The following INTS9 variants were observed in gnomAD, a reference collection of about 807,000 sequenced individuals.
INTS9 encodes integrator complex subunit 9.
INTS9 carries 55 observed loss-of-function variants against 79.7 expected under a neutral mutation model. The observed-to-expected ratio is 0.69, with a 90% CI of 0.56 to 0.86. INTS9 has a LOEUF of 0.86. Ranked by LOEUF, INTS9 falls within the 40% of genes least tolerant of loss-of-function variation. The pLI, the probability that INTS9 is intolerant of heterozygous loss-of-function variation, is 0.00. For synonymous variants in INTS9, 319 were observed against 325.2 expected (o/e 0.98, Z 0.20); for missense variants, 721 against 831.5 (o/e 0.87, Z 1.64).
At chr8:28,855,026 T>C (rs1241182789) in intron 2 of INTS9, among the ~76,000 whole-genome samples, 2 of 152,182 alleles carry the variant, frequency 1.3e-5, no homozygotes, top group Non-Finnish European at 2.9e-5. Context: ...CCTTCAGTCC[T>C]TCTCACCATG....
intron 3 of INTS9, chr8:28,849,988 T>TAC: frequency 2.5e-6 from 1 of 395,440 alleles, no homozygotes; most frequent in East Asian, 3.7e-5. Context: ...CTTAGATTTC[T>TAC]ACACATGAGC....
chr8:28,804,206 A>T (rs1012171866), intron 8 of INTS9, among the ~76,000 whole-genome samples: 2 of 152,208 alleles, frequency 1.3e-5, no homozygotes, highest in Admixed American at 1.3e-4. Flanking sequence ...GATTACAGGC[A>T]TGAGCCAATA....
chr8:28,832,674 A>G lies in INTS9; in HGVS notation c.488+2618T>C, dbSNP rs549427496. 2.6e-5 allele frequency among the ~76,000 whole-genome samples: 4 copies of G among 152,268 alleles called. No homozygotes were observed. The South Asian group carries it at 6.2e-4, about 24-fold the overall frequency. The stretch of plus-strand genomic sequence containing the variant: ...CAGTTTTCTCTCCTGTAAAAAAGTA[A>G]TAACACTGCCTGGGTGTGGTGGCTC... On this transcript the variant is annotated intron_variant, in intron 6 of 16. Coordinates refer to ENST00000521022, the MANE Select transcript of INTS9 (RefSeq NM_018250.4).
intron 1 of INTS9, among the ~76,000 whole-genome samples, chr8:28,863,956 T>A (rs1421358056): frequency 1.3e-5 from 2 of 152,208 alleles, no homozygotes; most frequent in Non-Finnish European, 2.9e-5. Flanking sequence ...AAGTTACATA[T>A]GGGTAAGATA....
At chr8:28,857,000 C>G (rs368822061) in intron 2 of INTS9, among the ~76,000 whole-genome samples, 10 of 152,138 alleles carry the variant, frequency 6.6e-5, no homozygotes, top group African/African-American at 2.4e-4. Context: ...TGTTAATTCA[C>G]CAAGAATAAT....
chr8:28,774,188 G>GCA (rs775408279), intron 14 of INTS9, among the ~76,000 whole-genome samples: 1 of 152,136 alleles, frequency 6.6e-6, no homozygotes, highest in Non-Finnish European at 1.5e-5. Context: ...ATTCCAGTAG[G>GCA]CACACACACA....
intron 2 of INTS9, among the ~76,000 whole-genome samples, chr8:28,852,582 A>G (rs1807905171): frequency 6.6e-6 from 1 of 152,236 alleles, no homozygotes; most frequent in African/African-American, 2.4e-5. Flanking sequence ...GGTTGTAACT[A>G]TCTACTTCCC....
chr8:28,850,568 A>G (rs372592291), intron 2 of INTS9, among the ~76,000 whole-genome samples: 5 of 152,226 alleles, frequency 3.3e-5, no homozygotes, highest in East Asian at 1.9e-4. Flanking sequence ...GCCTTTTATA[A>G]TTGTCCAATC....
intron 1 of INTS9, 32 bp downstream of exon 1, chr8:28,889,842 C>T: frequency 6.2e-7 from 1 of 1,613,450 alleles, no homozygotes; most frequent in Middle Eastern, 1.6e-4. Flanking sequence ...ATAGCATCAC[C>T]TTTGCCCTCT....
intron 4 of INTS9, among the ~76,000 whole-genome samples, chr8:28,843,683 G>C (rs1200409337): frequency 2.6e-5 from 4 of 151,834 alleles, no homozygotes; most frequent in Non-Finnish European, 4.4e-5. Context: ...TGTAGCTACA[G>C]TGACAGCTTC....
intron 1 of INTS9, among the ~76,000 whole-genome samples, chr8:28,866,801 C>T (rs1174213301): frequency 1.3e-5 from 2 of 149,112 alleles, no homozygotes; most frequent in African/African-American, 2.5e-5. Flanking sequence ...ACGGTGAAAC[C>T]TCATCTCTAC....
At chr8:28,882,895 TCA>T (rs1809973494) in intron 1 of INTS9, among the ~76,000 whole-genome samples, 1 of 152,220 alleles carries the variant, frequency 6.6e-6, no homozygotes, top group African/African-American at 2.4e-5. Flanking sequence ...GTTGTTTTTC[TCA>T]CAGTAAAGTT....
intron 10 of INTS9, among the ~76,000 whole-genome samples, chr8:28,791,249 A>C (rs550678880): frequency 6.6e-6 from 1 of 152,284 alleles, no homozygotes; most frequent in East Asian, 1.9e-4. Context: ...AAGGCTCTAT[A>C]TAAAATGCAC....
chr8:28,838,356 T>C lies in INTS9; in HGVS notation c.262-580A>G, dbSNP rs371712706. Among the ~76,000 whole-genome samples, 43 of 152,216 alleles carry C rather than the reference T, an allele frequency of 2.8e-4. 1 individual carries two copies. The highest frequency in any genetic ancestry group is 9.9e-4 in the African/African-American group (41 of 41,534). On this transcript the variant is annotated intron_variant, in intron 4 of 16. Transcript: ENST00000521022. ...GAAATTATCCTTTCACCCTCCATCCTAATCTTATCCCCAGATCTGCCCTTT... is the reference window on the plus strand; with the variant it reads ...GAAATTATCCTTTCACCCTCCATCCCAATCTTATCCCCAGATCTGCCCTTT...
chr8:28,802,746 C>G, intron 8 of INTS9, among the ~76,000 whole-genome samples: 1 of 151,962 alleles, frequency 6.6e-6, no homozygotes, highest in East Asian at 1.9e-4. Context: ...AATATTCTAC[C>G]ACGCCCTACA....
At chr8:28,823,762 CA>C (rs1284737165) in intron 6 of INTS9, among the ~76,000 whole-genome samples, 2 of 126,492 alleles carry the variant, frequency 1.6e-5, no homozygotes, top group East Asian at 7.4e-4. Flanking sequence ...GTAATTAACT[CA>C]AGGGAAAACA....
chr8:28,770,832 TG>T, intron 15 of INTS9, 149 bp downstream of exon 15: 2 of 663,046 alleles, frequency 3.0e-6, no homozygotes, highest in Non-Finnish European at 5.2e-6. Context: ...GCCTCATCTC[TG>T]GGCACAGCAG....
At chr8:28,839,603 A>G (rs1330474600) in intron 4 of INTS9, among the ~76,000 whole-genome samples, 1 of 152,220 alleles carries the variant, frequency 6.6e-6, no homozygotes, top group Admixed American at 6.5e-5. Context: ...ATATAGATCA[A>G]TGGAACAGAA....
At chr8:28,880,225 G>GCTCTCCCTCTCCCTCTCCCTCTCC (rs56703987) in intron 1 of INTS9, among the ~76,000 whole-genome samples, 1 of 127,218 alleles carries the variant, frequency 7.9e-6, no homozygotes, top group Non-Finnish European at 1.7e-5. Flanking sequence ...TGTAGACATA[G>GCTCTCCCTCTCCCTCTCCCTCTCC]CTCTCCCTCT....
Sources: allele counts gnomAD v4.1 joint callset (sites outside exome capture counted in the v4.1 genomes callset), GRCh38; gene constraint gnomAD v4.1.1; transcripts MANE v1.5; gene names NCBI Gene and HGNC (gene_info 2026-07-23, HGNC 2026-07-21).